The following ASTN2 variants were observed in gnomAD, a reference collection of about 807,000 sequenced individuals.
ASTN2 encodes astrotactin-2.
In ASTN2, 54 loss-of-function variants were observed where a neutral mutation model predicts 139.8. The observed-to-expected ratio is 0.39, with a 90% confidence interval of 0.31 to 0.48. The LOEUF (loss-of-function observed/expected upper bound fraction) is 0.48. Among genes scored for constraint, ASTN2 ranks in the 20% least tolerant of loss-of-function variants. ASTN2 has a pLI of 0.95. For missense variants in ASTN2, 1,565 were observed against 1,725.1 expected, an observed-to-expected ratio of 0.91 and a Z score of 1.64; for synonymous variants, 756 against 719.5, an observed-to-expected ratio of 1.05 and a Z score of -0.81.
intron 3 of ASTN2, among the ~76,000 whole-genome samples, chr9:117,188,144 A>ATG (rs1196779252): frequency 1.3e-4 from 20 of 149,490 alleles, no homozygotes; most frequent in Admixed American, 4.0e-4. Flanking sequence ...CCAGTGAAAG[A>ATG]TGTGTGTGTG....
intron 4 of ASTN2, among the ~76,000 whole-genome samples, chr9:117,135,708 C>A (rs1392956238): frequency 6.6e-6 from 1 of 152,126 alleles, no homozygotes; most frequent in Non-Finnish European, 1.5e-5. Flanking sequence ...GAGTGGCTTG[C>A]TGGGCTGCGG....
At chr9:116,718,826 C>A (rs1286451728) in intron 16 of ASTN2, among the ~76,000 whole-genome samples, 1 of 151,862 alleles carries the variant, frequency 6.6e-6, no homozygotes. Context: ...TGGATTCACA[C>A]TGGAATTACA....
At chr9:116,635,976 A>C (rs1004140872) in intron 17 of ASTN2, among the ~76,000 whole-genome samples, 1 of 152,190 alleles carries the variant, frequency 6.6e-6, no homozygotes, top group Non-Finnish European at 1.5e-5. Context: ...AAAATGATAG[A>C]AGAAACTCTA....
Position 117,115,794 on chromosome 9 carries a change from G to A in ASTN2, c.1169-19643C>T, listed in dbSNP as rs1372858163. On this transcript the variant is annotated intron_variant, in intron 4 of 22. Coordinates refer to ENST00000313400, the MANE Select transcript of ASTN2 (RefSeq NM_001365068.1). ...TAATCCCAGCACTTTGGGAGGCCAA[G>A]GCAGGAGGATCACGAAGTCAGGAGA... Among the ~76,000 whole-genome samples the A allele has an allele frequency of 4.6e-5, 7 of 152,164 alleles. No homozygotes were observed. The South Asian group carries it at 8.3e-4, about 18-fold the overall frequency.
In ASTN2 at chr9:116,934,743, C is replaced by T. The variant is rs114828125; in HGVS notation, c.1889+40465G>A. On this transcript the variant is annotated intron_variant, in intron 10 of 22. Coordinates refer to ENST00000313400, the MANE Select transcript of ASTN2 (RefSeq NM_001365068.1). ...AGTTTACCTATGTAACAAACCTGTACTTGTACCCTTGAACTTAATATAAAA... is the reference window on the plus strand; with the variant it reads ...AGTTTACCTATGTAACAAACCTGTATTTGTACCCTTGAACTTAATATAAAA... Among the ~76,000 whole-genome samples, 697 of 152,300 alleles carry T rather than the reference C, an allele frequency of 4.6e-3. 4 individuals are homozygous for T. Among genetic ancestry groups the T allele is most frequent in the African/African-American group, 0.015 (626 of 41,562 alleles).
intron 16 of ASTN2, among the ~76,000 whole-genome samples, chr9:116,718,333 A>C (rs532111780): frequency 1.6e-4 from 25 of 152,200 alleles, no homozygotes; most frequent in Non-Finnish European, 3.4e-4. Context: ...AGGGCTGAAG[A>C]GGTTGGCTGA....
intron 6 of ASTN2, among the ~76,000 whole-genome samples, chr9:117,012,330 G>A (rs1365936618): frequency 6.6e-6 from 1 of 152,138 alleles, no homozygotes; most frequent in African/African-American, 2.4e-5. Flanking sequence ...TGATGCATAT[G>A]GCAAAAGTAG....
chr9:116,992,242 T>G (rs1836881459), intron 7 of ASTN2, among the ~76,000 whole-genome samples: 1 of 152,154 alleles, frequency 6.6e-6, no homozygotes, highest in Admixed American at 6.5e-5. Flanking sequence ...ACTGAATTAC[T>G]AAATGAACCC....
intron 1 of ASTN2, among the ~76,000 whole-genome samples, chr9:117,334,618 ACACC>A: frequency 6.6e-6 from 1 of 151,938 alleles, no homozygotes; most frequent in East Asian, 1.9e-4. Flanking sequence ...TGCCTTTTAC[ACACC>A]AGCCACAGTG....
Position 116,698,004 on chromosome 9 carries a change from A to G in ASTN2, c.2806+27767T>C. ...TCTGACAGTGCTAAAGATCATTGAT[A>G]CAGCTGGGCTCAGCGAGGCTGTGGG... On this transcript the variant is annotated intron_variant, in intron 16 of 22. Transcript: ENST00000313400. The surrounding 1 kb of genome is among the most constrained non-coding windows in gnomAD (Gnocchi z 4.4). 6.2e-7 allele frequency: 1 copy of G among 1,614,164 alleles called. No individual in the cohort carries two copies. The highest frequency in any genetic ancestry group is 8.5e-7 in the Non-Finnish European group (1 of 1,180,050).
intron 13 of ASTN2, among the ~76,000 whole-genome samples, chr9:116,767,606 C>A (rs960419084): frequency 6.6e-6 from 1 of 152,180 alleles, no homozygotes; most frequent in East Asian, 1.9e-4. Flanking sequence ...ACGGAGACTA[C>A]AGGCCTTCTT....
intron 3 of ASTN2, among the ~76,000 whole-genome samples, chr9:117,160,042 T>C (rs1480021741): frequency 6.6e-6 from 1 of 152,026 alleles, no homozygotes; most frequent in African/African-American, 2.4e-5. Flanking sequence ...TACTCCACTA[T>C]GAAAATGCAT....
chr9:117,008,349 G>A (rs763791916), intron 6 of ASTN2, 90 bp from the exon 7 acceptor site: 139 of 1,190,330 alleles, frequency 1.2e-4, no homozygotes, highest in South Asian at 2.8e-4. Flanking sequence ...TACAAGCCAC[G>A]TTCCCCAGGT....
intron 5 of ASTN2, among the ~76,000 whole-genome samples, chr9:117,056,059 T>C (rs1839054651): frequency 6.6e-6 from 1 of 152,200 alleles, no homozygotes; most frequent in African/African-American, 2.4e-5. Context: ...AACAAAATCC[T>C]GACAACAACC....
At chr9:116,901,471 C>A (rs998398828) in intron 10 of ASTN2, among the ~76,000 whole-genome samples, 1 of 152,150 alleles carries the variant, frequency 6.6e-6, no homozygotes, top group African/African-American at 2.4e-5. Flanking sequence ...GAGCTGAGAT[C>A]ATAATGGAGC....
At chr9:116,769,135 A>G (rs1260891734) in intron 13 of ASTN2, among the ~76,000 whole-genome samples, 1 of 152,186 alleles carries the variant, frequency 6.6e-6, no homozygotes, top group East Asian at 1.9e-4. Context: ...TACTAAGCCT[A>G]AAGCCCCAAG....
intron 3 of ASTN2, among the ~76,000 whole-genome samples, chr9:117,210,398 A>G (rs566217092): frequency 6.6e-6 from 1 of 152,290 alleles, no homozygotes; most frequent in African/African-American, 2.4e-5. Flanking sequence ...AAATGATACA[A>G]ATAAATACAA....
At chr9:117,065,297 G>C (rs996293802) in intron 5 of ASTN2, among the ~76,000 whole-genome samples, 4 of 152,110 alleles carry the variant, frequency 2.6e-5, no homozygotes, top group Non-Finnish European at 5.9e-5. Flanking sequence ...ACCAAGTTTT[G>C]GTAATTTGTT....
intron 4 of ASTN2, among the ~76,000 whole-genome samples, chr9:117,100,122 C>A: frequency 6.6e-6 from 1 of 152,206 alleles, no homozygotes; most frequent in East Asian, 1.9e-4. Flanking sequence ...TGTAGGAACT[C>A]TAATCAGGCT....
Sources: allele counts gnomAD v4.1 joint callset (sites outside exome capture counted in the v4.1 genomes callset), GRCh38; gene constraint gnomAD v4.1.1; non-coding constraint Gnocchi (gnomAD v3.1); transcripts MANE v1.5; gene names NCBI Gene and HGNC (gene_info 2026-07-23, HGNC 2026-07-21).